Variants in WDR31 observed in about 807,000 individuals in gnomAD.
The protein encoded by WDR31 is WD repeat domain 31.
A neutral mutation model predicts 47.3 loss-of-function variants in WDR31; 30 were observed. The observed-to-expected ratio is 0.63, with a 90% CI of 0.47 to 0.86. WDR31 has a LOEUF of 0.86. Ranked by LOEUF, WDR31 falls within the 40% of genes least tolerant of loss-of-function variation. The pLI, the probability that WDR31 is intolerant of heterozygous loss-of-function variation, is 0.00. For missense variants in WDR31, 406 were observed against 442.9 expected (o/e 0.92, Z 0.75); for synonymous variants, 137 against 159.4 (o/e 0.86, Z 1.06).
chr9:113,335,600 T>C lies in WDR31; in HGVS notation c.-29+688A>G, dbSNP rs76122261. 5.1e-3 allele frequency among the ~76,000 whole-genome samples: 769 copies of C among 152,208 alleles called. 17 individuals carry two copies. Among genetic ancestry groups the C allele is most frequent in the Non-Finnish European group, 6.0e-3 (410 of 68,008 alleles). ...ATTCATACCATTAGCATTAAAAAAA[T>C]GGAGTTTTCCAGAAGAATTTCAGCC... On this transcript the variant is annotated intron_variant, in intron 2 of 10. Transcript: ENST00000374193.
At chr9:113,327,865 T>C (rs1365958556) in intron 5 of WDR31, among the ~76,000 whole-genome samples, 1 of 152,180 alleles carries the variant, frequency 6.6e-6, no homozygotes, top group Non-Finnish European at 1.5e-5. Flanking sequence ...GGCAGAAGAA[T>C]AGCTTGAACC....
chr9:113,329,341 T>TC lies in WDR31; in HGVS notation c.250-387_250-386insG, dbSNP rs201917892. On this transcript the variant is annotated intron_variant, in intron 4 of 10. Coordinates refer to ENST00000374193, the MANE Select transcript of WDR31 (RefSeq NM_001012361.4). ...TTTTTTTGTTGTGGTGTTTTTTTTT[T>TC]TTTAATCTACCATTTCAAGCTGGGC... Among the ~76,000 whole-genome samples the TC allele has an allele frequency of 7.7e-3, 1,171 of 152,214 alleles. 12 individuals carry two copies. The highest frequency in any genetic ancestry group is 0.017 in the Middle Eastern group (5 of 294).
chr9:113,314,988 C>G lies in WDR31; in HGVS notation c.*1761G>C, dbSNP rs905131170. ...TGGCGAGGTATGATCATGAAACCCA[C>G]GTTATAAAGTGAAGAGGAAACAGAT... On this transcript the variant is annotated 3_prime_UTR_variant, in exon 11 of 11. Coordinates refer to ENST00000374193, the MANE Select transcript of WDR31 (RefSeq NM_001012361.4). 2 of 152,152 alleles carry G rather than the reference C, an allele frequency of 1.3e-5. No individual in the cohort carries two copies. The highest frequency in any genetic ancestry group is 4.8e-5 in the African/African-American group (2 of 41,418). 9.4% of individuals were successfully genotyped at this position (152,152 alleles called of 1,614,324 possible). A position where few individuals can be genotyped will look rare whatever the true frequency, so the allele number is the denominator to read the frequency against.
chr9:113,323,475 T>C (rs1295805755), intron 5 of WDR31, among the ~76,000 whole-genome samples: 1 of 152,116 alleles, frequency 6.6e-6, no homozygotes, highest in Non-Finnish European at 1.5e-5. Flanking sequence ...TTGGCCAGGC[T>C]GGTCTCCAAC....
intron 2 of WDR31, among the ~76,000 whole-genome samples, chr9:113,335,502 A>C (rs1192950718): frequency 6.6e-6 from 1 of 152,232 alleles, no homozygotes; most frequent in East Asian, 1.9e-4. Flanking sequence ...ACCTAATTCT[A>C]GGAAGAACTG....
intron 2 of WDR31, among the ~76,000 whole-genome samples, chr9:113,335,249 C>A (rs924261206): frequency 6.6e-6 from 1 of 152,052 alleles, no homozygotes; most frequent in Non-Finnish European, 1.5e-5. Context: ...GGTCCTATAC[C>A]AGTTGCTGGT....
chr9:113,334,423 T>C (rs938540174), intron 2 of WDR31, among the ~76,000 whole-genome samples: 1 of 152,228 alleles, frequency 6.6e-6, no homozygotes, highest in Non-Finnish European at 1.5e-5. Context: ...GGAAAGTATA[T>C]TTATTTTTCA....
chr9:113,315,100 ACT>A lies in WDR31; in HGVS notation c.*1647_*1648del, dbSNP rs1468438906. 1.3e-5 allele frequency: 2 copies of A among 151,846 alleles called. No homozygotes were observed. The highest frequency in any genetic ancestry group is 1.3e-4 in the Admixed American group (2 of 15,236). The allele number at this position is 151,846 out of a possible 1,614,324, so 9.4% of individuals were successfully genotyped here. ...ACTCTTTGTACTAGCTTAAGAACAG[ACT>A]CTCAGCTGGATGTGGTGGCTCATAC... is the stretch of plus-strand genomic sequence containing the variant. On this transcript the variant is annotated 3_prime_UTR_variant, in exon 11 of 11. Transcript: ENST00000374193.
At chr9:113,329,330 TG>T (rs1833543236) in intron 4 of WDR31, among the ~76,000 whole-genome samples, 1 of 149,162 alleles carries the variant, frequency 6.7e-6, no homozygotes, top group Admixed American at 6.6e-5. Flanking sequence ...TTTGTTGTGG[TG>T]TTTTTTTTTT....
chr9:113,338,292 G>C (rs991130530), intron 1 of WDR31, among the ~76,000 whole-genome samples: 1 of 152,156 alleles, frequency 6.6e-6, no homozygotes, highest in East Asian at 1.9e-4. Flanking sequence ...CCTCTGATCA[G>C]AGTGATTGGA....
intron 1 of WDR31, among the ~76,000 whole-genome samples, chr9:113,339,757 G>A (rs985048254): frequency 6.6e-6 from 1 of 152,048 alleles, no homozygotes; most frequent in African/African-American, 2.4e-5. Context: ...TTCAAGAGAC[G>A]GAGTCTCGAG....
At chr9:113,330,834 A>T in intron 4 of WDR31, 150 bp downstream of exon 4, 1 of 868,964 alleles carries the variant, frequency 1.2e-6, no homozygotes, top group Non-Finnish European at 1.7e-6. Flanking sequence ...GTGGCCAAGC[A>T]GGGATTTAAA....
intron 5 of WDR31, among the ~76,000 whole-genome samples, chr9:113,323,916 A>G (rs1318535585): frequency 2.6e-5 from 4 of 152,186 alleles, no homozygotes; most frequent in Non-Finnish European, 5.9e-5. Context: ...TTTACCTTGA[A>G]TACAACTTTG....
At chr9:113,332,951 T>C (rs1833630484) in intron 2 of WDR31, among the ~76,000 whole-genome samples, 1 of 152,222 alleles carries the variant, frequency 6.6e-6, no homozygotes, top group Non-Finnish European at 1.5e-5. Flanking sequence ...TGCCAAGGGA[T>C]GCCTGCTCTC....
intron 2 of WDR31, among the ~76,000 whole-genome samples, chr9:113,332,490 A>T (rs936476336): frequency 2.0e-5 from 3 of 152,248 alleles, no homozygotes; most frequent in Non-Finnish European, 1.5e-5. Context: ...ACTCGTACAT[A>T]CTACAACATG....
chr9:113,318,115 C>G (rs1833247771), intron 10 of WDR31, among the ~76,000 whole-genome samples: 1 of 152,210 alleles, frequency 6.6e-6, no homozygotes. Context: ...TATCCTTACT[C>G]CCCCTTACCC....
chr9:113,331,173 G>A, intron 3 of WDR31, 57 bp from the exon 4 acceptor site: 1 of 1,238,982 alleles, frequency 8.1e-7, no homozygotes, highest in East Asian at 2.8e-5. Context: ...TGGGGGTGGG[G>A]TGGGGTGGGG....
chr9:113,337,409 A>G (rs557021495), intron 1 of WDR31, among the ~76,000 whole-genome samples: 118 of 152,278 alleles, frequency 7.7e-4, no homozygotes, highest in Non-Finnish European at 1.0e-3. Flanking sequence ...CAAAATCTAA[A>G]ACTTTTTGAG....
intron 5 of WDR31, among the ~76,000 whole-genome samples, chr9:113,327,419 G>GCA (rs35798479): frequency 0.099 from 14,740 of 148,852 alleles, 957 homozygotes; most frequent in East Asian, 0.32. Flanking sequence ...AGTGTTACAT[G>GCA]CACACACACA....
Sources: allele counts gnomAD v4.1 joint callset (sites outside exome capture counted in the v4.1 genomes callset), GRCh38; gene constraint gnomAD v4.1.1; transcripts MANE v1.5; gene names NCBI Gene and HGNC (gene_info 2026-07-23, HGNC 2026-07-21).